Variants in TRNAU1AP observed in about 807,000 individuals in gnomAD.
TRNAU1AP encodes the protein tRNA selenocysteine 1-associated protein 1.
In TRNAU1AP, 33 loss-of-function variants were observed where a neutral mutation model predicts 43.3. The observed-to-expected ratio is 0.76, with a 90% CI of 0.58 to 1.02. The LOEUF is 1.02. Among genes scored for constraint, TRNAU1AP ranks in the 50% least tolerant of loss-of-function variants. The pLI, the probability that TRNAU1AP is intolerant of heterozygous loss-of-function variation, is 0.00. For missense variants in TRNAU1AP, 290 were observed against 362.7 expected (o/e 0.80, Z 1.63); for synonymous variants, 143 against 129.1 (o/e 1.11, Z -0.73).
chr1:28,561,511 C>T lies in TRNAU1AP; in HGVS notation c.278+113C>T, dbSNP rs1013072519. 15 of 1,160,056 alleles carry T rather than the reference C, an allele frequency of 1.3e-5. No homozygotes were observed. The Admixed American group carries it at 1.5e-4, about 12-fold the overall frequency. The allele number at this position is 1,160,056 out of a possible 1,614,324, so 71.9% of individuals were successfully genotyped here. A position where few individuals can be genotyped will look rare whatever the true frequency, so the allele number is the denominator to read the frequency against. ...CACTTGGTTCCCTCCTGAAGGACGACGCTCTTCTCCCTTCCTTGCTGGTGG... is the reference window on the plus strand; with the variant it reads ...CACTTGGTTCCCTCCTGAAGGACGATGCTCTTCTCCCTTCCTTGCTGGTGG... On this transcript the variant is annotated intron_variant, in intron 4 of 8. Coordinates refer to ENST00000373830, the MANE Select transcript of TRNAU1AP (RefSeq NM_017846.5).
At chr1:28,565,248 G>T (rs1375301630) in intron 5 of TRNAU1AP, 1 of 180,710 alleles carries the variant, frequency 5.5e-6, no homozygotes, top group Non-Finnish European at 1.2e-5. Flanking sequence ...ACTTTGAGAG[G>T]CCCAGGTGGG....
chr1:28,554,816 C>G, intron 2 of TRNAU1AP, among the ~76,000 whole-genome samples: 1 of 150,714 alleles, frequency 6.6e-6, no homozygotes, highest in Non-Finnish European at 1.5e-5. Flanking sequence ...TCCACTCCAG[C>G]CTGGGCGACA....
chr1:28,573,499 G>A lies in TRNAU1AP; in HGVS notation c.727+1599G>A, dbSNP rs138434898. Among the ~76,000 whole-genome samples, 409 of 151,522 alleles carry A rather than the reference G, an allele frequency of 2.7e-3. 2 individuals are homozygous for A. The highest frequency in any genetic ancestry group is 9.4e-3 in the African/African-American group (390 of 41,360). On this transcript the variant is annotated intron_variant, in intron 8 of 8. Transcript: ENST00000373830. Reference sequence around the variant, plus strand: ...ACTAAAAATAAAAAAATTGCCAGGCGCGGTGGCTCACCCCTGTACTCCCAG... The same window carrying A: ...ACTAAAAATAAAAAAATTGCCAGGCACGGTGGCTCACCCCTGTACTCCCAG...
At chr1:28,553,533 C>T in intron 1 of TRNAU1AP, 107 bp from the exon 2 acceptor site, 1 of 1,063,198 alleles carries the variant, frequency 9.4e-7, no homozygotes, top group Non-Finnish European at 1.4e-6. Context: ...GCCCCTCGCT[C>T]CCCCAGCGGC....
intron 8 of TRNAU1AP, among the ~76,000 whole-genome samples, chr1:28,576,156 G>GTTT (rs58148511): frequency 8.0e-5 from 11 of 137,606 alleles, no homozygotes; most frequent in Non-Finnish European, 9.4e-5. Context: ...ACAGTGCCCA[G>GTTT]TTTTTTTTTT....
chr1:28,573,629 C>T (rs1467075696), intron 8 of TRNAU1AP, among the ~76,000 whole-genome samples: 1 of 152,008 alleles, frequency 6.6e-6, no homozygotes, highest in Non-Finnish European at 1.5e-5. Context: ...AAAAATTAGC[C>T]AGGCGTGGTG....
chr1:28,567,296 G>A lies in TRNAU1AP; in HGVS notation c.413G>A (p.Gly138Asp), dbSNP rs772432714. The change falls in exon 6 of 9, where the codon GGT (glycine) becomes GAT (aspartate). Residue 138 changes from glycine (G) to aspartate (D), a missense_variant and splice_region_variant. Gly to Asp is a moderately conservative substitution (Grantham distance 94). Coordinates refer to ENST00000373830, the MANE Select transcript of TRNAU1AP (RefSeq NM_017846.5). ...AATTGTATATTTTTTTCATGCAGGG[G>A]TTATGGTTTTGTGAAATTCACAGAT... ...VVLDQTGVSK[G>D]YGFVKFTDEL... 1 of 1,611,454 alleles carries A rather than the reference G, an allele frequency of 6.2e-7. No homozygotes were observed. Among genetic ancestry groups the A allele is most frequent in the Non-Finnish European group, 8.5e-7 (1 of 1,179,338 alleles).
chr1:28,569,857 C>G (rs141302097), intron 6 of TRNAU1AP, among the ~76,000 whole-genome samples: 1 of 146,826 alleles, frequency 6.8e-6, no homozygotes, highest in Admixed American at 6.8e-5. Context: ...AAAAATTAGC[C>G]GGGCGTGCTG....
intron 2 of TRNAU1AP, 175 bp downstream of exon 2, chr1:28,553,912 G>A: frequency 1.6e-6 from 1 of 613,854 alleles, no homozygotes; most frequent in Non-Finnish European, 2.9e-6. Context: ...TTAAGGGTAG[G>A]ACTTGCCAGG....
intron 8 of TRNAU1AP, among the ~76,000 whole-genome samples, chr1:28,573,685 A>G (rs1426700000): frequency 6.6e-6 from 1 of 151,972 alleles, no homozygotes; most frequent in Non-Finnish European, 1.5e-5. Flanking sequence ...AGGCAGGAGA[A>G]TCACTTGAAC....
intron 7 of TRNAU1AP, 32 bp from the exon 8 acceptor site, chr1:28,571,835 G>A (rs773617691): frequency 6.4e-7 from 1 of 1,570,742 alleles, no homozygotes; most frequent in Non-Finnish European, 8.7e-7. Context: ...ATTTCACCAT[G>A]CCCCTAACCC....
chr1:28,553,469 C>A, intron 1 of TRNAU1AP, 171 bp from the exon 2 acceptor site: 1 of 660,076 alleles, frequency 1.5e-6, no homozygotes, highest in South Asian at 1.9e-5. Flanking sequence ...TAAAGCGGGG[C>A]AAGCTTGAAC....
chr1:28,567,405 C>T lies in TRNAU1AP; in HGVS notation c.522C>T (p.Ile174=), dbSNP rs757784015. The T allele has an allele frequency of 6.2e-7, 1 of 1,605,902 alleles. No homozygotes were observed. The change falls in exon 6 of 9, where the codon ATC becomes ATT. Residue 174 remains isoleucine (I), a synonymous_variant. Transcript: ENST00000373830. ...AGCCTGTGCGGCTGAGCGTGGCAAT[C>T]CCTAAAGCGTGAGTCCTGCAGGGAA... ...GSKPVRLSVA[I]PKASRVKPVE...
intron 2 of TRNAU1AP, chr1:28,554,197 T>TCAA (rs1665199074): frequency 9.8e-6 from 1 of 102,514 alleles, no homozygotes; most frequent in African/African-American, 5.5e-5. Flanking sequence ...AAACAATGTC[T>TCAA]CAAAAAAAAA....
chr1:28,567,225 C>A, intron 5 of TRNAU1AP, 69 bp from the exon 6 acceptor site: 1 of 1,555,266 alleles, frequency 6.4e-7, no homozygotes, highest in Non-Finnish European at 8.8e-7. Flanking sequence ...ATCCTTACTT[C>A]TTTTTCATGT....
intron 6 of TRNAU1AP, 117 bp from the exon 7 acceptor site, chr1:28,571,059 T>G: frequency 1.0e-6 from 1 of 982,400 alleles, no homozygotes. Flanking sequence ...AGCAAGACTC[T>G]GTCTCAAGAA....
chr1:28,574,078 T>TC (rs1491187738), intron 8 of TRNAU1AP, among the ~76,000 whole-genome samples: 7 of 62,742 alleles, frequency 1.1e-4, no homozygotes, highest in African/African-American at 4.4e-4. Context: ...ACCCCATCTC[T>TC]TTTTTTTTTT....
chr1:28,556,566 C>T (rs1168000491), intron 2 of TRNAU1AP, among the ~76,000 whole-genome samples: 1 of 148,850 alleles, frequency 6.7e-6, no homozygotes. Flanking sequence ...GGCTGAAGTG[C>T]AATGGCACCA....
At chr1:28,553,329 G>T in intron 1 of TRNAU1AP, 192 bp downstream of exon 1, 2 of 750,524 alleles carry the variant, frequency 2.7e-6, no homozygotes. Flanking sequence ...TAGGGGTCCT[G>T]GGGCCCCACC....
Sources: allele counts gnomAD v4.1 joint callset (sites outside exome capture counted in the v4.1 genomes callset), GRCh38; gene constraint gnomAD v4.1.1; transcripts MANE v1.5; gene names NCBI Gene and HGNC (gene_info 2026-07-23, HGNC 2026-07-21).